THBS1: variants seen among roughly 807,000 people sequenced by gnomAD.
THBS1 encodes the protein thrombospondin 1, also known as thrombospondin-1.
In THBS1, 29 loss-of-function variants were observed where a neutral mutation model predicts 126.1. The ratio of observed to expected loss-of-function variants is 0.23; its 90% CI spans 0.17 to 0.31. The LOEUF is 0.31. Among genes scored for constraint, THBS1 ranks in the 10% least tolerant of loss-of-function variants. THBS1 has a pLI of 1.00. For synonymous variants in THBS1, 496 were observed against 577.8 expected, an observed-to-expected ratio of 0.86 and a Z score of 2.03; for missense variants, 1,198 against 1,545.2, an observed-to-expected ratio of 0.78 and a Z score of 3.77.
At chr15:39,591,097 T>C in intron 14 of THBS1, 94 bp from the exon 15 acceptor site, 2 of 1,408,216 alleles carry the variant, frequency 1.4e-6, no homozygotes, top group Non-Finnish European at 9.8e-7. Context: ...GTATTGCTGA[T>C]TTTCACAGTT....
Position 39,590,510 on chromosome 15 carries a change from T to C in THBS1, c.2146-6T>C. The C allele has an allele frequency of 6.2e-7, 1 of 1,611,240 alleles. No individual in the cohort carries two copies. The highest frequency in any genetic ancestry group is 8.5e-7 in the Non-Finnish European group (1 of 1,178,396). On this transcript the variant is annotated splice_polypyrimidine_tract_variant and splice_region_variant and intron_variant, in intron 13 of 21. Coordinates refer to ENST00000260356, the MANE Select transcript of THBS1 (RefSeq NM_003246.4). Reference sequence around the variant, plus strand: ...GAAGCAGTGATATATATCTTCTCTTTCCTAGGATAATTGCCCCAACCTTCC... The same window carrying C: ...GAAGCAGTGATATATATCTTCTCTTCCCTAGGATAATTGCCCCAACCTTCC...
chr15:39,586,253 C>G (rs959082232), intron 7 of THBS1, among the ~76,000 whole-genome samples: 2 of 152,178 alleles, frequency 1.3e-5, no homozygotes, highest in Admixed American at 6.5e-5. Context: ...CACAAACACA[C>G]CCTTGTCACA....
Position 39,596,214 on chromosome 15 carries a change from G to C in THBS1, c.*845G>C, listed in dbSNP as rs41527948. On this transcript the variant is annotated 3_prime_UTR_variant, in exon 22 of 22. Coordinates refer to ENST00000260356, the MANE Select transcript of THBS1 (RefSeq NM_003246.4). ...AAACCTACCATCTCAGTGAGCACCA[G>C]CTGCCTCCCAAAGGAGGGGCAGCCG... 1.0e-3 allele frequency: 179 copies of C among 174,926 alleles called. No individual in the cohort carries two copies. Among genetic ancestry groups the C allele is most frequent in the Non-Finnish European group, 1.8e-3 (146 of 81,826 alleles). 10.8% of individuals were successfully genotyped at this position (174,926 alleles called of 1,614,324 possible).
rs146172408 is a variant in THBS1, at chr15:39,592,771, C to G, written c.2736C>G (p.Leu912=). 6.2e-7 allele frequency: 1 copy of G among 1,613,900 alleles called. No individual in the cohort carries two copies. Among genetic ancestry groups the G allele is most frequent in the African/African-American group, 1.3e-5 (1 of 74,910 alleles). Residue 912 remains leucine, a synonymous_variant, in exon 17 of 22, where the codon CTC becomes CTG. Coordinates refer to ENST00000260356, the MANE Select transcript of THBS1 (RefSeq NM_003246.4). This position sits in a 1 kb window ranked among gnomAD's most constrained non-coding sequence, Gnocchi z 4.3. ...GIPDDKDNCR[L]VPNPDQKDSD... ...CTGATGACAAGGACAACTGCAGACT[C>G]GTGCCCAATCCCGACCAGAAGGACT...
chr15:39,593,199 T>G lies in THBS1; in HGVS notation c.2967T>G (p.Thr989=). 6.2e-7 allele frequency: 1 copy of G among 1,614,010 alleles called. No individual in the cohort carries two copies. Among genetic ancestry groups the G allele is most frequent in the Non-Finnish European group, 8.5e-7 (1 of 1,179,974 alleles). ...ATCAGGGTAAAGAACTCGTCCAGAC[T>G]GTCAACTGTGATCCTGGACTCGCTG... ...VRHQGKELVQ[T]VNCDPGLAVG... is the part of the protein sequence containing the mutation. The change falls in exon 18 of 22, where the codon ACT becomes ACG. Residue 989 remains threonine (T), a synonymous_variant. Coordinates refer to ENST00000260356, the MANE Select transcript of THBS1 (RefSeq NM_003246.4). The surrounding 1 kb of genome is among the most constrained non-coding windows in gnomAD (Gnocchi z 5.9).
chr15:39,583,545 C>A, intron 3 of THBS1, 72 bp from the exon 4 acceptor site: 2 of 1,265,186 alleles, frequency 1.6e-6, no homozygotes, highest in Non-Finnish European at 2.3e-6. Context: ...TCCTAGCATA[C>A]AGACAGTCTC....
chr15:39,592,988 T>C lies in THBS1; in HGVS notation c.2768-12T>C. 2 of 1,612,420 alleles carry C rather than the reference T, an allele frequency of 1.2e-6. No homozygotes were observed. The highest frequency in any genetic ancestry group is 2.2e-5 in the East Asian group (1 of 44,880). ...TTAGAATTTTGCTGAACTCTTGCTTTTTTGACCTCAGGCGATGGTCGAGGT... is the reference window on the plus strand; with the variant it reads ...TTAGAATTTTGCTGAACTCTTGCTTCTTTGACCTCAGGCGATGGTCGAGGT... On this transcript the variant is annotated splice_polypyrimidine_tract_variant and intron_variant, in intron 17 of 21. Coordinates refer to ENST00000260356, the MANE Select transcript of THBS1 (RefSeq NM_003246.4). The surrounding 1 kb of genome is among the most constrained non-coding windows in gnomAD (Gnocchi z 4.3).
chr15:39,592,961 C>T lies in THBS1; in HGVS notation c.2768-39C>T, dbSNP rs764650836. The T allele has an allele frequency of 6.2e-7, 1 of 1,602,240 alleles. No individual in the cohort carries two copies. ...TCTGACACCAGTAATAATAATAGCA[C>T]TTTAGAATTTTGCTGAACTCTTGCT... On this transcript the variant is annotated intron_variant, in intron 17 of 21. Coordinates refer to ENST00000260356, the MANE Select transcript of THBS1 (RefSeq NM_003246.4). This position sits in a 1 kb window ranked among gnomAD's most constrained non-coding sequence, Gnocchi z 4.3.
At chr15:39,584,266 CG>C (rs750491063) in intron 5 of THBS1, 33 bp from the exon 6 acceptor site, 14 of 1,614,082 alleles carry the variant, frequency 8.7e-6, no homozygotes, top group Non-Finnish European at 1.2e-5. Context: ...ACTGAAAATG[CG>C]GGGGGACACT....
Position 39,594,501 on chromosome 15 carries a change from A to T in THBS1, c.3505+61A>T, listed in dbSNP as rs1890394083. 3 of 1,585,164 alleles carry T rather than the reference A, an allele frequency of 1.9e-6. No homozygotes were observed. In the African/African-American group the frequency reaches 4.0e-5, roughly 21 times the overall value. On this transcript the variant is annotated intron_variant, in intron 21 of 21. Coordinates refer to ENST00000260356, the MANE Select transcript of THBS1 (RefSeq NM_003246.4). The surrounding 1 kb of genome is among the most constrained non-coding windows in gnomAD (Gnocchi z 4.4). ...TCTCTATTTCAGACTAATATCAAGG[A>T]TGACGGTTATGGGGGAGTCCAGTGT... is the stretch of plus-strand genomic sequence containing the variant.
chr15:39,586,173 CTAAGA>C (rs1258181980), intron 7 of THBS1, among the ~76,000 whole-genome samples: 3 of 152,150 alleles, frequency 2.0e-5, no homozygotes, highest in Non-Finnish European at 4.4e-5. Flanking sequence ...TTCATTACAA[CTAAGA>C]TAAGGAAGAA....
rs1246741370 is a variant in THBS1, at chr15:39,589,762, A to G, written c.1927-43A>G. 1 of 1,528,380 alleles carries G rather than the reference A, an allele frequency of 6.5e-7. No homozygotes were observed. Among genetic ancestry groups the G allele is most frequent in the Non-Finnish European group, 8.8e-7 (1 of 1,136,312 alleles). The allele number at this position is 1,528,380 out of a possible 1,614,324, so 94.7% of individuals were successfully genotyped here. ...ATTCTTGTTTCCATGATATCTGAGG[A>G]TTCTCAAAAGCTCTGTGTAACAGCA... is the stretch of plus-strand genomic sequence containing the variant. On this transcript the variant is annotated intron_variant, in intron 12 of 21. Coordinates refer to ENST00000260356, the MANE Select transcript of THBS1 (RefSeq NM_003246.4). This position sits in a 1 kb window ranked among gnomAD's most constrained non-coding sequence, Gnocchi z 4.7.
At chr15:39,581,753 C>G (rs369690467) in intron 1 of THBS1, 76 bp from the exon 2 acceptor site, 1 of 904,012 alleles carries the variant, frequency 1.1e-6, no homozygotes, top group African/African-American at 1.6e-5. Context: ...GTCCCCATGC[C>G]CAGCCCCGTT....
intron 13 of THBS1, 47 bp from the exon 14 acceptor site, chr15:39,590,469 C>A (rs1001599132): frequency 6.8e-6 from 10 of 1,475,464 alleles, no homozygotes; most frequent in Middle Eastern, 1.7e-4. Context: ...ATGAGCTCAG[C>A]ATGAGGAAGG....
chr15:39,590,874 A>G (rs1890313050), intron 14 of THBS1: 2 of 538,192 alleles, frequency 3.7e-6, no homozygotes, highest in Admixed American at 3.6e-5. Flanking sequence ...GCATAAACAA[A>G]TGCCACTTTG....
Position 39,589,932 on chromosome 15 carries a change from A to G in THBS1, c.2054A>G (p.Asn685Ser). The G allele has an allele frequency of 6.2e-7, 1 of 1,614,170 alleles. No homozygotes were observed. Among genetic ancestry groups the G allele is most frequent in the East Asian group, 2.2e-5 (1 of 44,880 alleles). ...RCECKPGYAG[N>S]GIICGEDTDL... ...GAGTGCAAGCCTGGCTACGCTGGCA[A>G]TGGCATCATCTGCGGGGAGGACACA... The change falls in exon 13 of 22, where the codon AAT becomes AGT. Residue 685 changes from asparagine to serine, a missense_variant. By Grantham distance (46) the Asn-to-Ser change is conservative. Coordinates refer to ENST00000260356, the MANE Select transcript of THBS1 (RefSeq NM_003246.4). The surrounding 1 kb of genome is among the most constrained non-coding windows in gnomAD (Gnocchi z 4.7).
chr15:39,583,561 A>G, intron 3 of THBS1, 56 bp from the exon 4 acceptor site: 1 of 1,162,432 alleles, frequency 8.6e-7, no homozygotes, highest in Non-Finnish European at 1.3e-6. Context: ...GTCTCCCCCA[A>G]CCCCATCCCC....
rs751980659 is a variant in THBS1, at chr15:39,594,221, A to T, written c.3365+25A>T. The T allele has an allele frequency of 1.9e-6, 3 of 1,613,692 alleles. No homozygotes were observed. The South Asian group carries it at 3.3e-5, about 18-fold the overall frequency. ...GGTACGATCATACTGATTCACTTTC[A>T]CTTACAGTCACACTGAGGGACAAAA... On this transcript the variant is annotated intron_variant, in intron 20 of 21. Coordinates refer to ENST00000260356, the MANE Select transcript of THBS1 (RefSeq NM_003246.4). The surrounding 1 kb of genome is among the most constrained non-coding windows in gnomAD (Gnocchi z 4.4).
In THBS1 at chr15:39,584,046, C is replaced by G; in HGVS notation, c.762C>G (p.Ile254Met). ...NNVVNGSSPA[I>M]RTNYIGHKTK... The stretch of plus-strand genomic sequence containing the variant: ...TGGTGAATGGTTCCAGCCCTGCCAT[C>G]CGCACTAACTACATTGGCCACAAGA... The change falls in exon 5 of 22, where the codon ATC (isoleucine) becomes ATG (methionine). Residue 254 changes from isoleucine to methionine, a missense_variant. Ile to Met is a conservative substitution (Grantham distance 10). Transcript: ENST00000260356. 1 of 1,614,232 alleles carries G rather than the reference C, an allele frequency of 6.2e-7. No individual in the cohort carries two copies. The highest frequency in any genetic ancestry group is 1.3e-5 in the African/African-American group (1 of 75,064).
Sources: allele counts gnomAD v4.1 joint callset (sites outside exome capture counted in the v4.1 genomes callset), GRCh38; gene constraint gnomAD v4.1.1; non-coding constraint Gnocchi (gnomAD v3.1); transcripts MANE v1.5; gene names NCBI Gene and HGNC (gene_info 2026-07-23, HGNC 2026-07-21).